The following MATCAP2 variants were observed in gnomAD, a reference collection of about 807,000 sequenced individuals.
The protein encoded by MATCAP2 is putative tyrosine carboxypeptidase MATCAP2.
chr7:36,369,057 T>G, the MATCAP2 span, among the ~76,000 whole-genome samples: 1 of 152,322 alleles, frequency 6.6e-6, no homozygotes, highest in Non-Finnish European at 1.5e-5. Context: ...TCATGACTGT[T>G]GTCTGTCTCC....
chr7:36,367,041 G>C, the MATCAP2 span: 1 of 1,276,290 alleles, frequency 7.8e-7, no homozygotes, highest in South Asian at 3.0e-5. Context: ...TCGGTGGCGG[G>C]GGCGCGGCGG....
the MATCAP2 span, among the ~76,000 whole-genome samples, chr7:36,335,409 T>G: frequency 1.4e-3 from 211 of 152,298 alleles, no homozygotes; most frequent in East Asian, 8.3e-3. Flanking sequence ...AGTAGATGGC[T>G]GTGCTGAGGA....
At chr7:36,388,133 A>G in the MATCAP2 span, among the ~76,000 whole-genome samples, 1 of 152,200 alleles carries the variant, frequency 6.6e-6, no homozygotes, top group Non-Finnish European at 1.5e-5. Context: ...CCTGTTACAC[A>G]GATAAGTAAA....
chr7:36,330,957 A>T, the MATCAP2 span: 5 of 1,359,588 alleles, frequency 3.7e-6, no homozygotes, highest in Admixed American at 6.7e-5. Context: ...GTGTTCGGGG[A>T]CTATGTGCCA....
the MATCAP2 span, among the ~76,000 whole-genome samples, chr7:36,347,284 T>C: frequency 5.9e-5 from 9 of 152,220 alleles, no homozygotes; most frequent in Non-Finnish European, 1.2e-4. Flanking sequence ...AGTATTTTGT[T>C]TAATGACAAA....
the MATCAP2 span, among the ~76,000 whole-genome samples, chr7:36,370,292 C>T: frequency 6.6e-6 from 1 of 152,160 alleles, no homozygotes; most frequent in African/African-American, 2.4e-5. Context: ...ATTGTTTTTA[C>T]ATATCCACAA....
the MATCAP2 span, chr7:36,366,795 G>A: frequency 6.5e-7 from 1 of 1,533,796 alleles, no homozygotes; most frequent in Non-Finnish European, 8.7e-7. Context: ...GAAGGGGTCG[G>A]GGCGCAGGGT....
chr7:36,334,074 T>A, the MATCAP2 span: 1 of 1,614,150 alleles, frequency 6.2e-7, no homozygotes, highest in East Asian at 2.2e-5. Flanking sequence ...CTCTGTGGGA[T>A]TATTTGGCTT....
chr7:36,357,739 T>C, the MATCAP2 span: 1 of 635,698 alleles, frequency 1.6e-6, no homozygotes, highest in East Asian at 2.8e-5. Flanking sequence ...ATTAAAAGGA[T>C]ATATTACTAA....
the MATCAP2 span, among the ~76,000 whole-genome samples, chr7:36,353,403 TACTA>T: frequency 6.6e-6 from 1 of 152,112 alleles, no homozygotes; most frequent in African/African-American, 2.4e-5. Flanking sequence ...AAAGCTTTAG[TACTA>T]ACTTTCTGTT....
the MATCAP2 span, chr7:36,326,730 G>T: frequency 6.3e-7 from 1 of 1,593,846 alleles, no homozygotes; most frequent in Non-Finnish European, 8.6e-7. Context: ...TGGAGGCATA[G>T]CTTAGCTATG....
the MATCAP2 span, among the ~76,000 whole-genome samples, chr7:36,382,840 A>G: frequency 6.6e-6 from 1 of 152,236 alleles, no homozygotes; most frequent in Non-Finnish European, 1.5e-5. Flanking sequence ...AGTTACCAAT[A>G]TAAAAAGTAT....
chr7:36,367,082 A>G, the MATCAP2 span: 2 of 1,261,658 alleles, frequency 1.6e-6, 1 homozygote, highest in South Asian at 6.4e-5. Context: ...GGAGCAGGAT[A>G]AGGAGGGTAA....
chr7:36,356,817 A>C, the MATCAP2 span: 1 of 1,135,186 alleles, frequency 8.8e-7, no homozygotes, highest in Non-Finnish European at 1.3e-6. Flanking sequence ...GAATATTTTT[A>C]AATGTCTTTG....
At chr7:36,329,472 G>A in the MATCAP2 span, among the ~76,000 whole-genome samples, 2 of 152,118 alleles carry the variant, frequency 1.3e-5, no homozygotes, top group East Asian at 3.8e-4. Context: ...CAATTAAAAG[G>A]AAACAAGACT....
the MATCAP2 span, chr7:36,390,157 C>A: frequency 6.3e-7 from 1 of 1,576,904 alleles, no homozygotes; most frequent in Non-Finnish European, 8.6e-7. Flanking sequence ...CGTGTGTGCG[C>A]GCGTGCGCAG....
the MATCAP2 span, among the ~76,000 whole-genome samples, chr7:36,352,373 G>A: frequency 2.7e-5 from 4 of 147,990 alleles, no homozygotes; most frequent in Non-Finnish European, 5.9e-5. Context: ...CTCCAGCCTG[G>A]GTGACAGAGT....
At chr7:36,328,542 G>C in the MATCAP2 span, among the ~76,000 whole-genome samples, 6 of 151,820 alleles carry the variant, frequency 4.0e-5, no homozygotes, top group South Asian at 2.1e-4. Flanking sequence ...TCAGGAGTTC[G>C]AGACTAGCCT....
chr7:36,333,763 A>T, the MATCAP2 span: 1 of 1,087,500 alleles, frequency 9.2e-7, no homozygotes, highest in African/African-American at 1.6e-5. Context: ...TTTTTTAAGT[A>T]AGTGAATTTT....
Sources: allele counts gnomAD v4.1 joint callset (sites outside exome capture counted in the v4.1 genomes callset), GRCh38; gene constraint gnomAD v4.1.1; transcripts MANE v1.5; gene names NCBI Gene and HGNC (gene_info 2026-07-23, HGNC 2026-07-21).